The following BRD3 variants were observed in gnomAD, a reference collection of about 807,000 sequenced individuals.
The protein encoded by BRD3 is bromodomain-containing protein 3.
In BRD3, 17 loss-of-function variants were observed where a neutral mutation model predicts 66.8. That is an observed-to-expected ratio of 0.25 (90% CI 0.17 to 0.38). The LOEUF (loss-of-function observed/expected upper bound fraction) is 0.38. BRD3 is among the 10% of genes least tolerant of loss of function. The pLI is 1.00. For missense variants in BRD3, 713 were observed against 956.1 expected (o/e 0.75, Z 3.35); for synonymous variants, 421 against 393.2 (o/e 1.07, Z -0.84).
At chr9:134,064,073 G>A (rs1292149015) in intron 1 of BRD3, among the ~76,000 whole-genome samples, 1 of 152,326 alleles carries the variant, frequency 6.6e-6, no homozygotes, top group East Asian at 1.9e-4. Context: ...GCCACAGACT[G>A]GTGCGAGACG....
intron 9 of BRD3, among the ~76,000 whole-genome samples, chr9:134,037,814 A>G (rs1829957925): frequency 6.6e-6 from 1 of 152,348 alleles, no homozygotes; most frequent in Non-Finnish European, 1.5e-5. Context: ...CAAATTACCA[A>G]TATCAGGAAT....
At position 134,045,469 on chromosome 9, in the gene BRD3, G is replaced by A. The variant is rs749529671; in HGVS notation, c.1087-48C>T. ...CCAGTGAGCGTGGCCCGTGGCATCAGGACTCTCTGCCACACCCCACGAGAT... is the reference window on the plus strand; with the variant it reads ...CCAGTGAGCGTGGCCCGTGGCATCAAGACTCTCTGCCACACCCCACGAGAT... On this transcript the variant is annotated intron_variant, in intron 6 of 11. Transcript: ENST00000303407. This position sits in a 1 kb window ranked among gnomAD's most constrained non-coding sequence, Gnocchi z 4.8. The A allele has an allele frequency of 5.0e-6, 8 of 1,610,098 alleles. No homozygotes were observed. Among genetic ancestry groups the A allele is most frequent in the Non-Finnish European group, 6.8e-6 (8 of 1,178,028 alleles).
At chr9:134,044,599 G>A (rs1248879264) in intron 7 of BRD3, among the ~76,000 whole-genome samples, 1 of 152,162 alleles carries the variant, frequency 6.6e-6, no homozygotes, top group African/African-American at 2.4e-5. Flanking sequence ...AATTAGAGAA[G>A]GTAAGAATAG....
intron 7 of BRD3, among the ~76,000 whole-genome samples, chr9:134,042,694 T>C (rs1305219658): frequency 2.3e-4 from 29 of 124,004 alleles, no homozygotes; most frequent in Non-Finnish European, 4.4e-4. Context: ...CACACACATA[T>C]ACACACACAT....
chr9:134,061,321 A>G (rs1830540058), intron 1 of BRD3, among the ~76,000 whole-genome samples: 1 of 152,250 alleles, frequency 6.6e-6, no homozygotes, highest in Admixed American at 6.5e-5. Context: ...TTTGGGGTCC[A>G]GGGATGGGGA....
At chr9:134,051,847 A>G (rs7866868) in intron 3 of BRD3, 138 bp from the exon 4 acceptor site, 5,320 of 516,580 alleles carry the variant, frequency 0.01, 48 homozygotes, top group African/African-American at 0.014. Context: ...AAATGAATAT[A>G]TGTGTGTGTG....
At position 134,048,097 on chromosome 9, in the gene BRD3, G is replaced by T; in HGVS notation, c.1072C>A (p.Leu358Ile). 6.3e-7 allele frequency: 1 copy of T among 1,581,550 alleles called. No homozygotes were observed. The highest frequency in any genetic ancestry group is 8.6e-7 in the Non-Finnish European group (1 of 1,162,420). Residue 358 changes from leucine (L) to isoleucine (I), a missense_variant, in exon 6 of 12, where the codon CTC becomes ATC. This residue lies in a region of BRD3 where 418 missense variants were observed against 609.3 expected (regional missense o/e 0.69). Transcript: ENST00000303407. ...CGGCCACGTACTTTCACGGTGCTGA[G>T]GTCCATCGGGTGCTTGATGATGTCG... ...YHDIIKHPMD[L>I]STVKRKMDGR...
intron 1 of BRD3, 110 bp from the exon 2 acceptor site, chr9:134,053,700 G>A (rs1830353059): frequency 3.0e-6 from 3 of 1,000,844 alleles, no homozygotes; most frequent in Non-Finnish European, 4.2e-6. Context: ...AGCAGGGCCT[G>A]CTCCACTCAC....
intron 6 of BRD3, 61 bp downstream of exon 6, chr9:134,048,022 C>T (rs1264316070): frequency 2.3e-5 from 34 of 1,479,798 alleles, no homozygotes; most frequent in Non-Finnish European, 3.0e-5. Flanking sequence ...CACAAGACAT[C>T]AGCACCCACG....
intron 4 of BRD3, among the ~76,000 whole-genome samples, chr9:134,051,147 G>A (rs558412037): frequency 6.6e-6 from 1 of 152,326 alleles, no homozygotes; most frequent in South Asian, 2.1e-4. Context: ...CAGGGAACCA[G>A]GCAGGTGATA....
In BRD3 at chr9:134,051,878, T is replaced by A. The variant is rs866284517; in HGVS notation, c.352-169A>T. Among the ~76,000 whole-genome samples, 537 of 116,226 alleles carry A rather than the reference T, an allele frequency of 4.6e-3. 4 individuals are homozygous for A. The highest frequency in any genetic ancestry group is 0.012 in the East Asian group (47 of 4,078). The allele number at this position is 116,226 out of a possible 152,430, so 76.2% of individuals were successfully genotyped here. On this transcript the variant is annotated intron_variant, in intron 3 of 11. Transcript: ENST00000303407. Reference sequence around the variant, plus strand: ...GTGTGTGTGTGTGTGTGTGTGTGTGTTGTTTTTTTTGTTTTTTTTTTTTTT... The same window carrying A: ...GTGTGTGTGTGTGTGTGTGTGTGTGATGTTTTTTTTGTTTTTTTTTTTTTT...
intron 9 of BRD3, 85 bp downstream of exon 9, chr9:134,039,949 C>T (rs912843811): frequency 1.2e-5 from 18 of 1,500,448 alleles, no homozygotes; most frequent in Non-Finnish European, 1.5e-5. Flanking sequence ...GGCACAAAGC[C>T]CCCAATCCCA....
At chr9:134,036,736 C>A in intron 9 of BRD3, 1 of 771,084 alleles carries the variant, frequency 1.3e-6, no homozygotes, top group Non-Finnish European at 2.2e-6. Context: ...GGGCCGGGCG[C>A]GGTGGCTCAC....
chr9:134,053,336 TCAC>T lies in BRD3; in HGVS notation c.139_141del (p.Val47del), dbSNP rs1255453677. 6.3e-7 allele frequency: 1 copy of T among 1,587,480 alleles called. No individual in the cohort carries two copies. The highest frequency in any genetic ancestry group is 8.6e-7 in the Non-Finnish European group (1 of 1,165,564). On this transcript the variant is annotated inframe_deletion, in exon 2 of 12. Coordinates refer to ENST00000303407, the MANE Select transcript of BRD3 (RefSeq NM_007371.4). ...GCGAACTGGTGTTTCCAGAGCGTCTTCACCACCACATTCTGCATGTACTGCAGC... is the reference window on the plus strand; with the variant it reads ...GCGAACTGGTGTTTCCAGAGCGTCTTCACCACATTCTGCATGTACTGCAGC...
At chr9:134,050,058 C>A (rs2132421668) in intron 5 of BRD3, among the ~76,000 whole-genome samples, 1 of 152,332 alleles carries the variant, frequency 6.6e-6, no homozygotes, top group East Asian at 1.9e-4. Flanking sequence ...AGGACCGGGA[C>A]CCCTCCCACC....
At chr9:134,042,071 G>A in intron 7 of BRD3, 120 bp from the exon 8 acceptor site, 1 of 1,187,792 alleles carries the variant, frequency 8.4e-7, no homozygotes, top group Non-Finnish European at 1.1e-6. Flanking sequence ...ACGAAGGTGG[G>A]GCTAGGAGGA....
intron 6 of BRD3, among the ~76,000 whole-genome samples, chr9:134,046,053 C>T (rs750473624): frequency 1.4e-4 from 21 of 152,176 alleles, no homozygotes; most frequent in Non-Finnish European, 2.6e-4. Flanking sequence ...CACGTTTACT[C>T]GGCCACACAG....
chr9:134,050,987 C>G (rs2520102), intron 4 of BRD3, among the ~76,000 whole-genome samples: 148,779 of 152,302 alleles, frequency 0.98, 72,761 homozygotes, highest in East Asian at 1. Context: ...CTGCAACACG[C>G]GACGGCCCGT....
rs752404684 is a variant in BRD3 at position 134,045,449 on chromosome 9, G to A, written c.1087-28C>T. On this transcript the variant is annotated intron_variant, in intron 6 of 11. Coordinates refer to ENST00000303407, the MANE Select transcript of BRD3 (RefSeq NM_007371.4). The surrounding 1 kb of genome is among the most constrained non-coding windows in gnomAD (Gnocchi z 4.8). ...GCAACACACAGTGACAGGGGCCAGT[G>A]AGCGTGGCCCGTGGCATCAGGACTC... The A allele has an allele frequency of 6.2e-7, 1 of 1,612,764 alleles. No individual in the cohort carries two copies. The highest frequency in any genetic ancestry group is 8.5e-7 in the Non-Finnish European group (1 of 1,179,714).
Sources: allele counts gnomAD v4.1 joint callset (sites outside exome capture counted in the v4.1 genomes callset), GRCh38; gene constraint gnomAD v4.1.1; regional missense constraint gnomAD v4.1.1; non-coding constraint Gnocchi (gnomAD v3.1); transcripts MANE v1.5; gene names NCBI Gene and HGNC (gene_info 2026-07-23, HGNC 2026-07-21).